The following HS3ST4 variants were observed in gnomAD, a reference collection of about 807,000 sequenced individuals.
HS3ST4 encodes the protein heparan sulfate-glucosamine 3-sulfotransferase 4.
HS3ST4 carries 17 observed loss-of-function variants against 29.2 expected under a neutral mutation model. The ratio of observed to expected loss-of-function variants is 0.58; its 90% confidence interval spans 0.40 to 0.87. The LOEUF is 0.87. Ranked by LOEUF, HS3ST4 falls within the 40% of genes least tolerant of loss-of-function variation. The pLI, the probability that HS3ST4 is intolerant of heterozygous loss-of-function variation, is 0.00. For synonymous variants in HS3ST4, 314 were observed against 285.7 expected, an observed-to-expected ratio of 1.10 and a Z score of -1.00; for missense variants, 627 against 634.5, an observed-to-expected ratio of 0.99 and a Z score of 0.13.
intron 1 of HS3ST4, among the ~76,000 whole-genome samples, chr16:25,730,662 TTC>T (rs1215997041): frequency 6.8e-6 from 1 of 146,986 alleles, no homozygotes; most frequent in African/African-American, 2.5e-5. Flanking sequence ...TCTCCCTCTC[TTC>T]CTTCTCTCCC....
chr16:26,050,276 G>A (rs1289982114), intron 1 of HS3ST4, among the ~76,000 whole-genome samples: 1 of 151,986 alleles, frequency 6.6e-6, no homozygotes, highest in Non-Finnish European at 1.5e-5. Context: ...CAGGGAAGAG[G>A]TAGAAGACTC....
intron 1 of HS3ST4, among the ~76,000 whole-genome samples, chr16:25,822,833 G>A (rs1184970172): frequency 1.3e-5 from 2 of 152,038 alleles, no homozygotes; most frequent in East Asian, 1.9e-4. Flanking sequence ...CACCTCCCAG[G>A]TTCAAGTGGT....
intron 1 of HS3ST4, among the ~76,000 whole-genome samples, chr16:25,993,837 G>T (rs1005741340): frequency 6.6e-6 from 1 of 152,006 alleles, no homozygotes; most frequent in Non-Finnish European, 1.5e-5. Context: ...ATTTCTCACA[G>T]CTGTAGAGAC....
At chr16:25,875,258 C>T (rs1166564554) in intron 1 of HS3ST4, among the ~76,000 whole-genome samples, 1 of 152,058 alleles carries the variant, frequency 6.6e-6, no homozygotes, top group Non-Finnish European at 1.5e-5. Flanking sequence ...TGGATGTGAG[C>T]CCGGTGGTAC....
At chr16:26,115,062 A>T (rs542731763) in intron 1 of HS3ST4, among the ~76,000 whole-genome samples, 4 of 152,254 alleles carry the variant, frequency 2.6e-5, no homozygotes, top group African/African-American at 9.6e-5. Context: ...ATGTACCCTG[A>T]TATGCAAAGA....
At chr16:25,930,400 C>T (rs1480016404) in intron 1 of HS3ST4, among the ~76,000 whole-genome samples, 1 of 152,218 alleles carries the variant, frequency 6.6e-6, no homozygotes, top group Non-Finnish European at 1.5e-5. Context: ...TCTCAAAACC[C>T]ATATGAGATC....
intron 1 of HS3ST4, among the ~76,000 whole-genome samples, chr16:25,854,704 C>T (rs1967557583): frequency 6.6e-6 from 1 of 151,578 alleles, no homozygotes. Flanking sequence ...AAAGAGACTA[C>T]TTCTTGTGGC....
At chr16:26,038,641 A>AT (rs111270112) in intron 1 of HS3ST4, among the ~76,000 whole-genome samples, 28 of 146,470 alleles carry the variant, frequency 1.9e-4, no homozygotes, top group South Asian at 4.4e-4. Context: ...CAATGGTTCT[A>AT]TTTTTTTTTT....
chr16:26,053,671 C>CT (rs1225445746), intron 1 of HS3ST4, among the ~76,000 whole-genome samples: 2 of 152,170 alleles, frequency 1.3e-5, no homozygotes, highest in African/African-American at 4.8e-5. Context: ...ACCCAATTAA[C>CT]TTGCCTGGAA....
chr16:25,912,686 TG>T (rs1968252954), intron 1 of HS3ST4, among the ~76,000 whole-genome samples: 1 of 152,332 alleles, frequency 6.6e-6, no homozygotes, highest in South Asian at 2.1e-4. Flanking sequence ...GCGTGAGTCC[TG>T]GGTCGGCTTA....
At chr16:26,083,116 C>G (rs934867535) in intron 1 of HS3ST4, among the ~76,000 whole-genome samples, 5 of 152,218 alleles carry the variant, frequency 3.3e-5, no homozygotes, top group African/African-American at 1.2e-4. Flanking sequence ...TGTCTCCTTA[C>G]CTGACATAAT....
In HS3ST4 at chr16:25,692,839, G is replaced by C; in HGVS notation, c.422G>C (p.Arg141Pro). ...GGAGGCGCCCAGGACGCCTGGCTCC[G>C]GACCCCGCTGGCCCCCAGCGAGATG... ...GGGGAQDAWL[R>P]TPLAPSEMIT... is the part of the protein sequence containing the mutation. The change falls in exon 1 of 2, where the codon CGG becomes CCG. Residue 141 changes from arginine (R) to proline (P), a missense_variant. Physicochemically the swap from Arg to Pro is moderately radical, Grantham distance 103. Coordinates refer to ENST00000331351, the MANE Select transcript of HS3ST4 (RefSeq NM_006040.3). The C allele has an allele frequency of 7.1e-7, 1 of 1,415,826 alleles. No homozygotes were observed. Among genetic ancestry groups the C allele is most frequent in the Non-Finnish European group, 9.2e-7 (1 of 1,089,552 alleles). The allele number at this position is 1,415,826 out of a possible 1,614,324, so 87.7% of individuals were successfully genotyped here.
At chr16:25,878,054 C>T (rs1184599467) in intron 1 of HS3ST4, among the ~76,000 whole-genome samples, 1 of 152,136 alleles carries the variant, frequency 6.6e-6, no homozygotes, top group African/African-American at 2.4e-5. Context: ...GGTTAAAGTG[C>T]TGAATCTGGA....
chr16:25,898,368 A>G (rs1021320734), intron 1 of HS3ST4, among the ~76,000 whole-genome samples: 3 of 152,118 alleles, frequency 2.0e-5, no homozygotes, highest in Non-Finnish European at 1.5e-5. Context: ...TGTGAGACCA[A>G]TCTGATCATT....
intron 1 of HS3ST4, among the ~76,000 whole-genome samples, chr16:25,845,699 T>G (rs1967459996): frequency 6.6e-6 from 1 of 150,502 alleles, no homozygotes; most frequent in South Asian, 2.1e-4. Context: ...TTCCCTACTC[T>G]CTCAAAGCCT....
chr16:25,701,809 G>A (rs1966336403), intron 1 of HS3ST4, among the ~76,000 whole-genome samples: 1 of 152,182 alleles, frequency 6.6e-6, no homozygotes. Flanking sequence ...CACATTGAAA[G>A]GTGTTATCAG....
At chr16:25,847,035 T>C (rs1967474190) in intron 1 of HS3ST4, among the ~76,000 whole-genome samples, 1 of 151,844 alleles carries the variant, frequency 6.6e-6, no homozygotes, top group Non-Finnish European at 1.5e-5. Flanking sequence ...TTTTGACTCT[T>C]TTTTTCACAT....
chr16:25,833,939 C>T (rs574957020), intron 1 of HS3ST4, among the ~76,000 whole-genome samples: 1 of 152,168 alleles, frequency 6.6e-6, no homozygotes, highest in South Asian at 2.1e-4. Flanking sequence ...CCATTCATAA[C>T]AAACTTGGCA....
chr16:26,104,722 A>G (rs1216102585), intron 1 of HS3ST4, among the ~76,000 whole-genome samples: 1 of 152,228 alleles, frequency 6.6e-6, no homozygotes. Context: ...GCACCTCAAA[A>G]TTAAAATGCC....
Sources: allele counts gnomAD v4.1 joint callset (sites outside exome capture counted in the v4.1 genomes callset), GRCh38; gene constraint gnomAD v4.1.1; transcripts MANE v1.5; gene names NCBI Gene and HGNC (gene_info 2026-07-23, HGNC 2026-07-21).